The following COL24A1 variants were observed in gnomAD, a reference collection of about 807,000 sequenced individuals.
COL24A1 encodes the protein collagen type XXIV alpha 1 chain, also known as collagen alpha-1(XXIV) chain.
A neutral mutation model predicts 253.9 loss-of-function variants in COL24A1; 224 were observed. The ratio of observed to expected loss-of-function variants is 0.88; its 90% CI spans 0.79 to 0.99. The LOEUF (loss-of-function observed/expected upper bound fraction) is 0.99. Among genes scored for constraint, COL24A1 ranks in the 50% least tolerant of loss-of-function variants. COL24A1 has a pLI of 0.00. For missense variants in COL24A1, 2,131 were observed against 2,068.5 expected (o/e 1.03, Z -0.59); for synonymous variants, 685 against 673.7 (o/e 1.02, Z -0.26).
chr1:85,801,073 T>C (rs1671377982), intron 47 of COL24A1, among the ~76,000 whole-genome samples: 1 of 152,210 alleles, frequency 6.6e-6, no homozygotes, highest in African/African-American at 2.4e-5. Flanking sequence ...TTCTCCTTTT[T>C]GAAATATTCT....
intron 39 of COL24A1, among the ~76,000 whole-genome samples, 166 bp from the exon 40 acceptor site, chr1:85,842,559 T>C (rs1676734577): frequency 1.3e-5 from 2 of 152,118 alleles, no homozygotes; most frequent in Admixed American, 1.3e-4. Context: ...TTTTGTCTAT[T>C]TTTTTTTCTG....
At chr1:85,888,985 A>C (rs1682814628) in intron 32 of COL24A1, among the ~76,000 whole-genome samples, 2 of 152,120 alleles carry the variant, frequency 1.3e-5, no homozygotes, top group South Asian at 4.1e-4. Flanking sequence ...AAAAAGAATA[A>C]ATTGTAAGAA....
At position 85,729,592 on chromosome 1, in the gene COL24A1, A is replaced by C. The variant is rs1235461937; in HGVS notation, c.*954T>G. ...ATTTAAAACAGCAGCAATTTCAAAAAATTTGCTGAATTAAAACTTTACAAA... is the reference window on the plus strand; with the variant it reads ...ATTTAAAACAGCAGCAATTTCAAAACATTTGCTGAATTAAAACTTTACAAA... On this transcript the variant is annotated 3_prime_UTR_variant, in exon 60 of 60. Transcript: ENST00000370571. 4.6e-5 allele frequency: 7 copies of C among 152,588 alleles called. No homozygotes were observed. The highest frequency in any genetic ancestry group is 1.0e-4 in the Non-Finnish European group (7 of 68,018). 9.5% of individuals were successfully genotyped at this position (152,588 alleles called of 1,614,324 possible).
intron 17 of COL24A1, 76 bp downstream of exon 17, chr1:86,022,459 TGGA>T: frequency 7.4e-7 from 1 of 1,356,032 alleles, no homozygotes; most frequent in African/African-American, 1.5e-5. Flanking sequence ...ACACAATACA[TGGA>T]TAAAATAATA....
Position 86,022,263 on chromosome 1 carries a change from T to C in COL24A1, c.2233A>G (p.Met745Val). 1 of 1,612,828 alleles carries C rather than the reference T, an allele frequency of 6.2e-7. No individual in the cohort carries two copies. The highest frequency in any genetic ancestry group is 8.5e-7 in the Non-Finnish European group (1 of 1,179,136). ...GAVGLPGPPG[M>V]RGKSGPSGQT... is the part of the protein sequence containing the mutation. Reference sequence around the variant, plus strand: ...ACTGAAGGCCCTGACTTTCCTCTCATCCCTGGTGGTCCTGGTAAACCAACA... The same window carrying C: ...ACTGAAGGCCCTGACTTTCCTCTCACCCCTGGTGGTCCTGGTAAACCAACA... The change falls in exon 18 of 60, where the codon ATG (methionine) becomes GTG (valine). Residue 745 changes from methionine (M) to valine (V), a missense_variant. Transcript: ENST00000370571.
chr1:86,008,734 T>A (rs1404801054), intron 19 of COL24A1, among the ~76,000 whole-genome samples: 1 of 151,990 alleles, frequency 6.6e-6, no homozygotes, highest in East Asian at 1.9e-4. Flanking sequence ...ATAGCATGTC[T>A]AGAAAACTCT....
intron 37 of COL24A1, among the ~76,000 whole-genome samples, chr1:85,860,997 A>G (rs1679084125): frequency 1.3e-5 from 2 of 152,180 alleles, no homozygotes; most frequent in South Asian, 4.1e-4. Flanking sequence ...TTTAAATGCA[A>G]TTCTCTTGGA....
intron 39 of COL24A1, among the ~76,000 whole-genome samples, chr1:85,846,028 C>G (rs1677110063): frequency 6.6e-6 from 1 of 151,224 alleles, no homozygotes; most frequent in African/African-American, 2.4e-5. Flanking sequence ...TGGTATTGAC[C>G]CAGAAATAGA....
At chr1:86,129,386 C>T (rs1648809874) in intron 2 of COL24A1, among the ~76,000 whole-genome samples, 1 of 151,398 alleles carries the variant, frequency 6.6e-6, no homozygotes, top group Non-Finnish European at 1.5e-5. Context: ...TATTTATCTA[C>T]TATTTTTGTT....
intron 55 of COL24A1, among the ~76,000 whole-genome samples, chr1:85,755,652 C>T (rs1666161120): frequency 6.6e-6 from 1 of 151,940 alleles, no homozygotes; most frequent in South Asian, 2.1e-4. Context: ...ACAAACAGTG[C>T]TGGAAAAATG....
chr1:86,015,085 C>A (rs527395056), intron 19 of COL24A1, among the ~76,000 whole-genome samples: 1 of 152,264 alleles, frequency 6.6e-6, no homozygotes, highest in African/African-American at 2.4e-5. Flanking sequence ...ATTTAAAATT[C>A]TTGGACCTGC....
At chr1:85,855,886 G>T (rs1422966275) in intron 37 of COL24A1, among the ~76,000 whole-genome samples, 1 of 152,118 alleles carries the variant, frequency 6.6e-6, no homozygotes, top group Non-Finnish European at 1.5e-5. Flanking sequence ...TTATTGGTCT[G>T]CTCAGGGTTT....
intron 7 of COL24A1, among the ~76,000 whole-genome samples, chr1:86,075,713 T>A (rs1486278661): frequency 1.3e-5 from 2 of 152,208 alleles, no homozygotes; most frequent in Non-Finnish European, 2.9e-5. Context: ...GTCAGCTTCA[T>A]CCCTAGGATG....
chr1:85,976,997 A>G (rs551288516), intron 20 of COL24A1, among the ~76,000 whole-genome samples: 81 of 152,306 alleles, frequency 5.3e-4, no homozygotes, highest in Middle Eastern at 3.4e-3. Flanking sequence ...CACCAGAGCA[A>G]GTGCTGGTAT....
Position 85,734,753 on chromosome 1 carries a change from C to T in COL24A1, c.4994G>A (p.Cys1665Tyr), listed in dbSNP as rs747885530. 1.2e-6 allele frequency: 2 copies of T among 1,613,276 alleles called. No individual in the cohort carries two copies. Among genetic ancestry groups the T allele is most frequent in the Non-Finnish European group, 1.7e-6 (2 of 1,179,244 alleles). The change falls in exon 59 of 60, where the codon TGC becomes TAC. Residue 1665 changes from cysteine to tyrosine, a missense_variant. By Grantham distance (194) the Cys-to-Tyr change is radical. Coordinates refer to ENST00000370571, the MANE Select transcript of COL24A1 (RefSeq NM_152890.7). ...LLEPKVLSDD[C>Y]KIQDGSWHKA... ...CTAAAAGTGCCATTTCCTTACCTTG[C>T]AGTCATCTGAAAGCACTTTAGGTTC... is the stretch of plus-strand genomic sequence containing the variant.
At chr1:85,992,208 T>C (rs1446910544) in intron 19 of COL24A1, among the ~76,000 whole-genome samples, 1 of 152,116 alleles carries the variant, frequency 6.6e-6, no homozygotes, top group Non-Finnish European at 1.5e-5. Context: ...TTGCTGAGAA[T>C]GATGGTTTCC....
intron 2 of COL24A1, among the ~76,000 whole-genome samples, chr1:86,143,581 C>T (rs2102403047): frequency 6.6e-6 from 1 of 151,798 alleles, no homozygotes; most frequent in East Asian, 1.9e-4. Flanking sequence ...AAAGGAGACA[C>T]AGAGAATAGT....
chr1:85,778,769 T>C (rs990987740), intron 52 of COL24A1, among the ~76,000 whole-genome samples: 2 of 151,992 alleles, frequency 1.3e-5, no homozygotes, highest in Non-Finnish European at 2.9e-5. Context: ...CACACCCGGC[T>C]AATTTTGTAT....
intron 19 of COL24A1, among the ~76,000 whole-genome samples, chr1:86,012,145 T>C (rs137860622): frequency 6.6e-6 from 1 of 152,032 alleles, no homozygotes; most frequent in African/African-American, 2.4e-5. Context: ...TAAATAAAAA[T>C]AAATTTAAAA....
Sources: allele counts gnomAD v4.1 joint callset (sites outside exome capture counted in the v4.1 genomes callset), GRCh38; gene constraint gnomAD v4.1.1; transcripts MANE v1.5; gene names NCBI Gene and HGNC (gene_info 2026-07-23, HGNC 2026-07-21).